CSMD3: variants seen among roughly 807,000 people sequenced by gnomAD.
CSMD3 encodes the protein CUB and Sushi multiple domains 3, also known as CUB and sushi domain-containing protein 3.
A neutral mutation model predicts 435.2 loss-of-function variants in CSMD3; 177 were observed. The ratio of observed to expected loss-of-function variants is 0.41; its 90% CI spans 0.36 to 0.46. The LOEUF (loss-of-function observed/expected upper bound fraction) is 0.46. CSMD3 is among the 20% of genes least tolerant of loss of function. The pLI is 0.34. For missense variants in CSMD3, 4,265 were observed against 4,504.6 expected (o/e 0.95, Z 1.52); for synonymous variants, 1,656 against 1,520.5 (o/e 1.09, Z -2.07).
intron 27 of CSMD3, among the ~76,000 whole-genome samples, chr8:112,535,008 T>G: frequency 6.6e-6 from 1 of 152,098 alleles, no homozygotes; most frequent in Non-Finnish European, 1.5e-5. Context: ...TCTCAATAAA[T>G]TAGGTATTGA....
chr8:112,661,841 T>C (rs1461986722), intron 17 of CSMD3, among the ~76,000 whole-genome samples: 1 of 151,996 alleles, frequency 6.6e-6, no homozygotes, highest in Admixed American at 6.6e-5. Context: ...AATAATAGTA[T>C]GTTTCAAAAG....
At chr8:112,589,882 T>TC (rs1202984307) in intron 22 of CSMD3, among the ~76,000 whole-genome samples, 14 of 152,082 alleles carry the variant, frequency 9.2e-5, no homozygotes, top group African/African-American at 3.4e-4. Context: ...TTATGGAGAG[T>TC]ATACCGCTAT....
chr8:112,811,777 T>C (rs1359779634), intron 12 of CSMD3, among the ~76,000 whole-genome samples: 1 of 152,182 alleles, frequency 6.6e-6, no homozygotes, highest in African/African-American at 2.4e-5. Flanking sequence ...AGCGGATTCA[T>C]TGGGTTGGTA....
At chr8:113,325,781 A>G (rs2093979702) in intron 1 of CSMD3, among the ~76,000 whole-genome samples, 1 of 152,194 alleles carries the variant, frequency 6.6e-6, no homozygotes, top group South Asian at 2.1e-4. Context: ...TCAGTCACAG[A>G]AAGTTTCCTA....
chr8:112,323,035 T>C (rs1306517658), intron 45 of CSMD3, among the ~76,000 whole-genome samples: 13 of 152,088 alleles, frequency 8.5e-5, no homozygotes, highest in Admixed American at 2.6e-4. Context: ...ATAGAAACAA[T>C]TGAGTGTCAG....
chr8:112,827,206 T>TATATATATATATAA (rs1564000450), intron 12 of CSMD3, among the ~76,000 whole-genome samples: 15 of 132,754 alleles, frequency 1.1e-4, no homozygotes, highest in African/African-American at 4.1e-4. Flanking sequence ...TATATATATA[T>TATATATATATATAA]AATCTTTCTA....
intron 60 of CSMD3, 142 bp downstream of exon 60, chr8:112,265,269 A>T: frequency 2.3e-6 from 1 of 427,338 alleles, no homozygotes; most frequent in Non-Finnish European, 4.0e-6. Context: ...AATTTTTAAG[A>T]AACAGCCATT....
chr8:112,557,102 C>A (rs1828191981), intron 24 of CSMD3, 148 bp from the exon 25 acceptor site: 1 of 617,458 alleles, frequency 1.6e-6, no homozygotes, highest in Non-Finnish European at 2.9e-6. Flanking sequence ...TCGTATCATA[C>A]AACAACCATG....
chr8:112,371,376 T>C (rs768256051), intron 38 of CSMD3, among the ~76,000 whole-genome samples: 1 of 152,090 alleles, frequency 6.6e-6, no homozygotes, highest in Non-Finnish European at 1.5e-5. Flanking sequence ...AGGTGTTTCA[T>C]GAGAAGCAGC....
At chr8:112,573,476 C>T (rs376305815) in intron 24 of CSMD3, 25 bp downstream of exon 24, 6 of 1,591,584 alleles carry the variant, frequency 3.8e-6, no homozygotes, top group South Asian at 1.1e-5. Flanking sequence ...AGTGTTTGGC[C>T]ATTTTACTCT....
chr8:112,500,803 A>G (rs547221434), intron 30 of CSMD3, among the ~76,000 whole-genome samples: 1 of 152,264 alleles, frequency 6.6e-6, no homozygotes, highest in East Asian at 1.9e-4. Flanking sequence ...GGGACTAGGC[A>G]TGTCCAAAAT....
At chr8:113,355,930 G>A (rs1266419608) in intron 1 of CSMD3, among the ~76,000 whole-genome samples, 1 of 150,058 alleles carries the variant, frequency 6.7e-6, no homozygotes, top group Non-Finnish European at 1.5e-5. Flanking sequence ...GAGTAGAAGT[G>A]GAATTGTATA....
chr8:112,281,171 T>C lies in CSMD3; in HGVS notation c.9508+3A>G, dbSNP rs1430939132. ...GATTTTTAAATATTGAGAATATACT[T>C]ACTTGTACAGTTAGGTAAAGTTCCA... On this transcript the variant is annotated splice_donor_region_variant and intron_variant, in intron 59 of 70. Transcript: ENST00000297405. 1 of 1,602,016 alleles carries C rather than the reference T, an allele frequency of 6.2e-7. No homozygotes were observed. Among genetic ancestry groups the C allele is most frequent in the African/African-American group, 1.3e-5 (1 of 74,636 alleles).
intron 1 of CSMD3, chr8:113,377,134 C>G: frequency 7.9e-7 from 1 of 1,258,196 alleles, no homozygotes; most frequent in Non-Finnish European, 1.0e-6. Flanking sequence ...CTCCGGTCCT[C>G]CAAAGGGCCG....
At chr8:112,876,350 A>T (rs922165290) in intron 10 of CSMD3, among the ~76,000 whole-genome samples, 1 of 140,798 alleles carries the variant, frequency 7.1e-6, no homozygotes, top group Non-Finnish European at 1.5e-5. Flanking sequence ...TCATCCTGAT[A>T]CCAAAACCTG....
chr8:113,012,923 A>G (rs2086309177), intron 6 of CSMD3, among the ~76,000 whole-genome samples: 1 of 152,084 alleles, frequency 6.6e-6, no homozygotes, highest in African/African-American at 2.4e-5. Context: ...ACATTAGAGT[A>G]GGGGTTCATG....
intron 5 of CSMD3, among the ~76,000 whole-genome samples, chr8:113,053,403 T>C (rs1411894523): frequency 1.3e-5 from 2 of 152,134 alleles, no homozygotes; most frequent in African/African-American, 4.8e-5. Context: ...GTTAAAATTA[T>C]ATAATTTAAG....
intron 22 of CSMD3, among the ~76,000 whole-genome samples, chr8:112,600,384 A>G (rs190069539): frequency 6.6e-6 from 1 of 152,288 alleles, no homozygotes; most frequent in East Asian, 1.9e-4. Context: ...GGCCAAGAGT[A>G]TTATTGATTT....
At chr8:112,461,703 A>T (rs1296734276) in intron 32 of CSMD3, among the ~76,000 whole-genome samples, 1 of 152,204 alleles carries the variant, frequency 6.6e-6, no homozygotes, top group Non-Finnish European at 1.5e-5. Flanking sequence ...ACCATCACGG[A>T]TATTCCGATG....
Sources: allele counts gnomAD v4.1 joint callset (sites outside exome capture counted in the v4.1 genomes callset), GRCh38; gene constraint gnomAD v4.1.1; transcripts MANE v1.5; gene names NCBI Gene and HGNC (gene_info 2026-07-23, HGNC 2026-07-21).